The following CCDC88A variants were observed in gnomAD, a reference collection of about 807,000 sequenced individuals.
CCDC88A encodes the protein girdin.
In CCDC88A, 54 loss-of-function variants were observed where a neutral mutation model predicts 234.3. That is an observed-to-expected ratio of 0.23 (90% CI 0.19 to 0.29). The LOEUF (loss-of-function observed/expected upper bound fraction) is 0.29. CCDC88A is among the 10% of genes least tolerant of loss of function. CCDC88A has a pLI of 1.00. For synonymous variants in CCDC88A, 753 were observed against 737.8 expected (o/e 1.02, Z -0.33); for missense variants, 1,832 against 2,123.4 (o/e 0.86, Z 2.70).
chr2:55,302,087 A>T lies in CCDC88A; in HGVS notation c.4472-15T>A. On this transcript the variant is annotated splice_polypyrimidine_tract_variant and intron_variant, in intron 26 of 32. Coordinates refer to ENST00000436346, the MANE Select transcript of CCDC88A (RefSeq NM_001365480.1). ...GTCATTCATGGCTGGGATGCAAATG[A>T]AAGCAAATGAATCAGCATGGTTAAT... 6.3e-7 allele frequency: 1 copy of T among 1,591,188 alleles called. No homozygotes were observed. The highest frequency in any genetic ancestry group is 8.6e-7 in the Non-Finnish European group (1 of 1,159,286).
Position 55,355,726 on chromosome 2 carries a change from C to A in CCDC88A, c.653G>T (p.Arg218Leu), listed in dbSNP as rs777263943. ...SETIIELSEE[R>L]DGLHFLPHAS... is the part of the protein sequence containing the mutation. The stretch of plus-strand genomic sequence containing the variant: ...ATGGGGTAGAAAATGGAGACCATCC[C>A]GCTCTTCAGAGAGTTCTATGATAGT... Residue 218 changes from arginine to leucine, a missense_variant, in exon 8 of 33, where the codon CGG (arginine) becomes CTG (leucine). Around this residue, in one of 6 missense-constraint regions of CCDC88A, gnomAD observed 1,282 missense variants for 1,543.6 expected, o/e 0.83. Coordinates refer to ENST00000436346, the MANE Select transcript of CCDC88A (RefSeq NM_001365480.1). 2 of 1,613,654 alleles carry A rather than the reference C, an allele frequency of 1.2e-6. No individual in the cohort carries two copies. Among genetic ancestry groups the A allele is most frequent in the Non-Finnish European group, 1.7e-6 (2 of 1,179,652 alleles).
chr2:55,315,845 G>A, intron 22 of CCDC88A, 83 bp downstream of exon 22: 2 of 746,426 alleles, frequency 2.7e-6, no homozygotes, highest in South Asian at 5.8e-5. Context: ...TACTAGTATT[G>A]TCATTGTAAT....
intron 8 of CCDC88A, among the ~76,000 whole-genome samples, chr2:55,353,137 A>G (rs949065632): frequency 6.6e-6 from 1 of 152,208 alleles, no homozygotes; most frequent in Non-Finnish European, 1.5e-5. Flanking sequence ...AGTATTAGAA[A>G]ACCAAATTTC....
At chr2:55,299,808 G>A (rs1396734039) in intron 29 of CCDC88A, 31 bp downstream of exon 29, 5 of 1,395,414 alleles carry the variant, frequency 3.6e-6, no homozygotes, top group African/African-American at 1.4e-5. Context: ...GAAATGGATA[G>A]AGCGCATTAA....
At chr2:55,311,159 T>C (rs1412296630) in intron 23 of CCDC88A, among the ~76,000 whole-genome samples, 3 of 152,150 alleles carry the variant, frequency 2.0e-5, no homozygotes, top group Admixed American at 6.6e-5. Context: ...AAAAGTTTTA[T>C]ATATACGCAA....
intron 31 of CCDC88A, among the ~76,000 whole-genome samples, chr2:55,293,265 T>TGTGTA (rs1679644623): frequency 1.3e-5 from 2 of 152,212 alleles, no homozygotes; most frequent in Non-Finnish European, 2.9e-5. Context: ...AATTATAACA[T>TGTGTA]TTGTGTCATA....
chr2:55,331,827 T>C (rs996442447), intron 16 of CCDC88A: 2 of 152,204 alleles, frequency 1.3e-5, no homozygotes, highest in Admixed American at 1.3e-4. Flanking sequence ...TTGCTTTTCT[T>C]TTCCTTTGTT....
At chr2:55,346,868 C>A (rs1669181672) in intron 9 of CCDC88A, among the ~76,000 whole-genome samples, 1 of 151,644 alleles carries the variant, frequency 6.6e-6, no homozygotes, top group South Asian at 2.1e-4. Flanking sequence ...TTTTTTAAAA[C>A]CTTTTTAAAA....
At chr2:55,380,215 G>A (rs1194936190) in intron 3 of CCDC88A, among the ~76,000 whole-genome samples, 7 of 151,988 alleles carry the variant, frequency 4.6e-5, no homozygotes, top group African/African-American at 7.2e-5. Flanking sequence ...CAGCCTGGGC[G>A]ACAGAGCGAG....
chr2:55,412,232 T>G (rs1680624147), intron 2 of CCDC88A, among the ~76,000 whole-genome samples: 1 of 152,200 alleles, frequency 6.6e-6, no homozygotes, highest in Admixed American at 6.5e-5. Flanking sequence ...ACAGTAATAC[T>G]GCAAAGCAAT....
At chr2:55,388,444 T>TCAAAGGCA (rs1676065891) in intron 3 of CCDC88A, 1 of 55,816 alleles carries the variant, frequency 1.8e-5, no homozygotes, top group Non-Finnish European at 5.4e-5. Context: ...TTCAGGTTTT[T>TCAAAGGCA]TTTTTAAAAA....
intron 3 of CCDC88A, among the ~76,000 whole-genome samples, chr2:55,382,161 G>A (rs975847102): frequency 4.6e-5 from 7 of 152,098 alleles, no homozygotes; most frequent in Admixed American, 1.3e-4. Context: ...CTTGGCTACT[G>A]AATTTTATTA....
intron 18 of CCDC88A, chr2:55,320,679 G>A (rs899638271): frequency 1.3e-5 from 2 of 152,172 alleles, no homozygotes; most frequent in Admixed American, 1.3e-4. Context: ...TGAAAGATGT[G>A]TAATACCTAA....
intron 18 of CCDC88A, among the ~76,000 whole-genome samples, chr2:55,321,856 G>T (rs545641104): frequency 6.6e-6 from 1 of 151,548 alleles, no homozygotes; most frequent in Non-Finnish European, 1.5e-5. Flanking sequence ...TAGAAATCAT[G>T]GTGTGGGGAT....
chr2:55,371,411 T>C (rs1195073943), intron 5 of CCDC88A, among the ~76,000 whole-genome samples: 2 of 152,204 alleles, frequency 1.3e-5, no homozygotes, highest in African/African-American at 4.8e-5. Flanking sequence ...CTAGTAATCA[T>C]ATTATTTGTT....
At chr2:55,350,450 C>G (rs1289378047) in intron 8 of CCDC88A, 1 of 152,028 alleles carries the variant, frequency 6.6e-6, no homozygotes, top group African/African-American at 2.4e-5. Context: ...CCCATTTTCT[C>G]TCTCTCCTTC....
intron 17 of CCDC88A, among the ~76,000 whole-genome samples, chr2:55,325,339 T>C (rs944915734): frequency 3.9e-5 from 6 of 152,230 alleles, no homozygotes; most frequent in African/African-American, 1.4e-4. Flanking sequence ...CAATCTTTCA[T>C]TGCTAATGTA....
rs1273686477 is a variant in CCDC88A, at chr2:55,334,758, T to C, written c.2063A>G (p.Gln688Arg). ...ATTCTCTTTTTCTAGGGATTCTAACTGAAAGGTCAGATTTTTAAAGCTATC... is the reference window on the plus strand; with the variant it reads ...ATTCTCTTTTTCTAGGGATTCTAACCGAAAGGTCAGATTTTTAAAGCTATC... ...TLDSFKNLTF[Q>R]LESLEKENSQ... The change falls in exon 15 of 33, where the codon CAG becomes CGG. Residue 688 changes from glutamine to arginine, a missense_variant. Physicochemically the swap from Gln to Arg is conservative, Grantham distance 43. Transcript: ENST00000436346. This position sits in a 1 kb window ranked among gnomAD's most constrained non-coding sequence, Gnocchi z 6.1. 6.2e-7 allele frequency: 1 copy of C among 1,609,024 alleles called. No homozygotes were observed. The highest frequency in any genetic ancestry group is 1.7e-5 in the Admixed American group (1 of 59,224).
At chr2:55,307,922 G>A (rs1419404709) in intron 25 of CCDC88A, 2 of 151,668 alleles carry the variant, frequency 1.3e-5, no homozygotes, top group Admixed American at 6.6e-5. Context: ...CTGAGTAGCT[G>A]GGATTATAGG....
Sources: allele counts gnomAD v4.1 joint callset (sites outside exome capture counted in the v4.1 genomes callset), GRCh38; gene constraint gnomAD v4.1.1; regional missense constraint gnomAD v4.1.1; non-coding constraint Gnocchi (gnomAD v3.1); transcripts MANE v1.5; gene names NCBI Gene and HGNC (gene_info 2026-07-23, HGNC 2026-07-21).